WIPI1: variants seen among roughly 807,000 people sequenced by gnomAD.
WIPI1 encodes WD repeat domain, phosphoinositide interacting 1, also known as WD repeat domain phosphoinositide-interacting protein 1.
Under a neutral mutation model 55.3 loss-of-function variants are expected in WIPI1, and 45 were observed. That is an observed-to-expected ratio of 0.81 (90% confidence interval 0.64 to 1.04). WIPI1 has a LOEUF of 1.04. Among genes scored for constraint, WIPI1 ranks in the 50% least tolerant of loss-of-function variants. The probability of loss-of-function intolerance (pLI) is 0.00; values close to 1 mark genes in which losing one functional copy is unlikely to be tolerated. For missense variants in WIPI1, 445 were observed against 559.0 expected (o/e 0.80, Z 2.06); for synonymous variants, 195 against 217.6 (o/e 0.90, Z 0.92).
chr17:68,428,371 G>A (rs1568625076), intron 10 of WIPI1: 1 of 171,216 alleles, frequency 5.8e-6, no homozygotes, highest in African/African-American at 2.4e-5. Flanking sequence ...TGGGACTACA[G>A]GTGTGTGCCA....
At chr17:68,454,662 T>A (rs1318641633) in intron 1 of WIPI1, among the ~76,000 whole-genome samples, 2 of 152,232 alleles carry the variant, frequency 1.3e-5, no homozygotes, top group African/African-American at 4.8e-5. Context: ...AACTTCAAAA[T>A]GTATTTTGTA....
Position 68,421,731 on chromosome 17 carries a change from C to G in WIPI1, c.*42G>C. 6.2e-7 allele frequency: 1 copy of G among 1,614,008 alleles called. No homozygotes were observed. The highest frequency in any genetic ancestry group is 8.5e-7 in the Non-Finnish European group (1 of 1,179,958). ...GCCTTCCTTGTTTTCTCCAAAACCA[C>G]CTGATAGGGGGGATGTCCTGATTTC... On this transcript the variant is annotated 3_prime_UTR_variant, in exon 13 of 13. Transcript: ENST00000262139.
In WIPI1 at chr17:68,426,251, G is replaced by GGGGGGGA; in HGVS notation, c.1193-77_1193-76insTCCCCCC. 4.8e-6 allele frequency: 4 copies of GGGGGGGA among 825,460 alleles called. 1 individual carries two copies. The highest frequency in any genetic ancestry group is 4.7e-5 in the Admixed American group (2 of 42,752). 51.1% of individuals were successfully genotyped at this position (825,460 alleles called of 1,614,324 possible). A position where few individuals can be genotyped will look rare whatever the true frequency, so the allele number is the denominator to read the frequency against. On this transcript the variant is annotated intron_variant, in intron 11 of 12. Transcript: ENST00000262139. ...GCCATGACCTGGCGGGTGGGGAGCG[G>GGGGGGGA]GGGCTCAAATAAAGGGCAAAGGAAG...
intron 3 of WIPI1, among the ~76,000 whole-genome samples, chr17:68,446,983 C>T (rs1331647719): frequency 6.6e-6 from 1 of 152,200 alleles, no homozygotes; most frequent in African/African-American, 2.4e-5. Context: ...GGGGTGGGCA[C>T]GATGCTGCTG....
At chr17:68,454,435 C>T (rs1048926800) in intron 1 of WIPI1, among the ~76,000 whole-genome samples, 2 of 152,172 alleles carry the variant, frequency 1.3e-5, no homozygotes, top group African/African-American at 4.8e-5. Flanking sequence ...CCTACCCAGA[C>T]ATTTGTTCTT....
At chr17:68,440,825 G>GCA (rs2084043337) in intron 4 of WIPI1, 1 of 152,188 alleles carries the variant, frequency 6.6e-6, no homozygotes. Context: ...CAAACTTTAG[G>GCA]TAAGTTAACA....
At chr17:68,425,020 A>C (rs72841873) in intron 12 of WIPI1, among the ~76,000 whole-genome samples, 27 of 152,230 alleles carry the variant, frequency 1.8e-4, no homozygotes, top group Non-Finnish European at 3.8e-4. Flanking sequence ...AGGAAGCCCC[A>C]GCAGGCTCTC....
rs765224433 is a variant in WIPI1, at chr17:68,444,446, C to T, written c.430+47G>A. The T allele has an allele frequency of 1.9e-5, 30 of 1,548,420 alleles. No individual in the cohort carries two copies. In the Admixed American group the frequency reaches 3.6e-4, roughly 19 times the overall value. ...GAAAATAAAGCTTGGGAAAGAAGCA[C>T]CAGGACATGAAATTTCAGGGACATT... On this transcript the variant is annotated intron_variant, in intron 4 of 12. Transcript: ENST00000262139.
Position 68,428,924 on chromosome 17 carries a change from C to A in WIPI1, c.978G>T (p.Leu326Phe). ...NICTLSTIQKLPRLLVASSSG... is the reference protein window; with the variant it reads ...NICTLSTIQKFPRLLVASSSG... The stretch of plus-strand genomic sequence containing the variant: ...TGGATGACGCAACTAGCAGCCGTGG[C>A]AACTTCTGGATCCTAAGGGCCAAGG... The change falls in exon 10 of 13, where the codon TTG (leucine) becomes TTT (phenylalanine). Residue 326 changes from leucine to phenylalanine, a missense_variant. Leu to Phe is a conservative substitution (Grantham distance 22). Transcript: ENST00000262139. 1 of 1,613,868 alleles carries A rather than the reference C, an allele frequency of 6.2e-7. No individual in the cohort carries two copies. Among genetic ancestry groups the A allele is most frequent in the Non-Finnish European group, 8.5e-7 (1 of 1,179,902 alleles).
At position 68,435,662 on chromosome 17, in the gene WIPI1, G is replaced by A. The variant is rs1445879066; in HGVS notation, c.579C>T (p.Thr193=). The change falls in exon 6 of 13, where the codon ACC becomes ACT. Residue 193 remains threonine, a synonymous_variant. Transcript: ENST00000262139. ...CTAGTTTGGAGCCTGAGGCATTGAA[G>A]GTGATGGCAGCTAGTGTTCCCTCAT... The part of the protein sequence containing the change: ...AAHEGTLAAI[T]FNASGSKLAS... 6.8e-6 allele frequency: 11 copies of A among 1,614,132 alleles called. No individual in the cohort carries two copies. The African/African-American group carries it at 1.3e-4, about 20-fold the overall frequency.
At chr17:68,452,428 G>A (rs1364678939) in intron 2 of WIPI1, among the ~76,000 whole-genome samples, 2 of 152,200 alleles carry the variant, frequency 1.3e-5, no homozygotes, top group East Asian at 1.9e-4. Flanking sequence ...AGCTGGGTTT[G>A]GTGGCATGTG....
intron 8 of WIPI1, 55 bp from the exon 9 acceptor site, chr17:68,430,215 C>A: frequency 6.5e-7 from 1 of 1,538,932 alleles, no homozygotes; most frequent in Admixed American, 2.1e-5. Context: ...CCACACGCAC[C>A]CAGGAATCTC....
At chr17:68,437,556 A>G (rs2083872631) in intron 4 of WIPI1, among the ~76,000 whole-genome samples, 1 of 149,510 alleles carries the variant, frequency 6.7e-6, no homozygotes, top group Admixed American at 6.7e-5. Context: ...TGTCTTAAGA[A>G]AAAAAAAAAA....
rs145424152 is a variant in WIPI1 at position 68,440,291 on chromosome 17, A to G, written c.431-3812T>C. 2.3e-3 allele frequency among the ~76,000 whole-genome samples: 347 copies of G among 152,362 alleles called. 12 individuals carry two copies. The East Asian group carries it at 0.062, about 27-fold the overall frequency. On this transcript the variant is annotated intron_variant, in intron 4 of 12. Transcript: ENST00000262139. ...AAGTGTCAGAAAAATCCAACGAGCCACACGAATGTATCTTCGTATCTTGGG... is the reference window on the plus strand; with the variant it reads ...AAGTGTCAGAAAAATCCAACGAGCCGCACGAATGTATCTTCGTATCTTGGG...
At chr17:68,429,930 T>C in intron 9 of WIPI1, 66 bp downstream of exon 9, 1 of 1,604,164 alleles carries the variant, frequency 6.2e-7, no homozygotes, top group Non-Finnish European at 8.5e-7. Context: ...TTGGGGATTT[T>C]TGTGCTTTGG....
intron 3 of WIPI1, among the ~76,000 whole-genome samples, chr17:68,445,964 G>A (rs1254776926): frequency 6.6e-6 from 1 of 152,182 alleles, no homozygotes; most frequent in Non-Finnish European, 1.5e-5. Flanking sequence ...TGATTGCGAT[G>A]CACACTGAGG....
chr17:68,457,483 C>G lies in WIPI1; in HGVS notation c.-62G>C. ...GCGACAGCCACCTCAGCAGCCCGCC[C>G]GCGCCGGCTCCACGGGCCGGGTCGC... On this transcript the variant is annotated 5_prime_UTR_variant, in exon 1 of 13. Coordinates refer to ENST00000262139, the MANE Select transcript of WIPI1 (RefSeq NM_017983.7). 1.5e-6 allele frequency: 2 copies of G among 1,338,564 alleles called. No homozygotes were observed. The highest frequency in any genetic ancestry group is 1.8e-5 in the South Asian group (1 of 54,822). 82.9% of individuals were successfully genotyped at this position (1,338,564 alleles called of 1,614,324 possible).
intron 4 of WIPI1, among the ~76,000 whole-genome samples, chr17:68,439,343 G>C (rs1256231398): frequency 6.6e-6 from 1 of 152,166 alleles, no homozygotes. Context: ...AAGAACCTTG[G>C]AAACATTAGG....
At chr17:68,437,012 A>ATGTGTGTG (rs1568637117) in intron 4 of WIPI1, among the ~76,000 whole-genome samples, 41 of 82,072 alleles carry the variant, frequency 5.0e-4, no homozygotes, top group African/African-American at 1.8e-3. Context: ...AAAAATATAT[A>ATGTGTGTG]TATATGTGTG....
Sources: gnomAD v4.1 joint callset for allele counts (sites outside exome capture counted in the v4.1 genomes callset) on GRCh38, gnomAD v4.1.1 for gene constraint, MANE v1.5 for transcripts, NCBI Gene and HGNC (gene_info 2026-07-23, HGNC 2026-07-21) for gene names.